SPMIP6: variants seen among roughly 807,000 people sequenced by gnomAD.
SPMIP6 encodes the protein ciliated bronchial epithelial protein 1.
chr9:34,384,340 C>T, the SPMIP6 span, among the ~76,000 whole-genome samples: 2 of 152,150 alleles, frequency 1.3e-5, no homozygotes, highest in African/African-American at 2.4e-5. Flanking sequence ...CAGGATAACA[C>T]CCTGAGGAAC....
the SPMIP6 span, among the ~76,000 whole-genome samples, chr9:34,380,046 T>C: frequency 6.6e-6 from 1 of 152,146 alleles, no homozygotes; most frequent in African/African-American, 2.4e-5. Context: ...TCTCCAGCAG[T>C]AGGACGAGGC....
the SPMIP6 span, chr9:34,379,590 G>T: frequency 2.0e-6 from 3 of 1,488,826 alleles, no homozygotes; most frequent in Non-Finnish European, 1.9e-6. The surrounding 1 kb of genome is among the most constrained non-coding windows in gnomAD (Gnocchi z 4.2). Context: ...CCCCAGCCCC[G>T]CCTCACCAAG....
chr9:34,381,533 C>A, the SPMIP6 span: 20 of 1,578,684 alleles, frequency 1.3e-5, no homozygotes, highest in Middle Eastern at 1.7e-4. The surrounding 1 kb of genome is among the most constrained non-coding windows in gnomAD (Gnocchi z 4.4). Flanking sequence ...GACCTATCGC[C>A]ACGCCGCAAC....
At chr9:34,388,383 A>G in the SPMIP6 span, among the ~76,000 whole-genome samples, 3 of 150,092 alleles carry the variant, frequency 2.0e-5, no homozygotes, top group Non-Finnish European at 4.4e-5. Context: ...AACTCCTGAC[A>G]TCAGGTGGTC....
the SPMIP6 span, among the ~76,000 whole-genome samples, chr9:34,390,488 T>A: frequency 6.6e-6 from 1 of 152,208 alleles, no homozygotes; most frequent in African/African-American, 2.4e-5. Context: ...ATCTTCTGTT[T>A]TTTTTCTTGA....
At chr9:34,385,908 T>G in the SPMIP6 span, 1 of 823,326 alleles carries the variant, frequency 1.2e-6, no homozygotes, top group South Asian at 1.8e-5. Flanking sequence ...CCCCTCCCCA[T>G]GTCAGAGGGA....
the SPMIP6 span, chr9:34,379,506 C>A: frequency 1.3e-6 from 1 of 790,878 alleles, no homozygotes. This position sits in a 1 kb window ranked among gnomAD's most constrained non-coding sequence, Gnocchi z 4.2. Context: ...TGCTCCATGC[C>A]ACTAGCTCCC....
chr9:34,380,439 G>A, the SPMIP6 span, among the ~76,000 whole-genome samples: 13 of 152,308 alleles, frequency 8.5e-5, no homozygotes, highest in Admixed American at 8.5e-4. Flanking sequence ...ACCCACTACC[G>A]ACGGTGACGG....
the SPMIP6 span, among the ~76,000 whole-genome samples, chr9:34,392,743 C>T: frequency 1.3e-5 from 2 of 152,122 alleles, no homozygotes; most frequent in Non-Finnish European, 2.9e-5. This position sits in a 1 kb window ranked among gnomAD's most constrained non-coding sequence, Gnocchi z 4.6. Flanking sequence ...CAAGGACAAA[C>T]TGGAACTCAT....
the SPMIP6 span, chr9:34,381,068 G>A: frequency 5.0e-6 from 8 of 1,611,632 alleles, no homozygotes; most frequent in Non-Finnish European, 6.8e-6. This position sits in a 1 kb window ranked among gnomAD's most constrained non-coding sequence, Gnocchi z 4.4. Context: ...GCATCGGGGC[G>A]TGATCCGCGG....
chr9:34,379,530 G>A, the SPMIP6 span: 1 of 907,638 alleles, frequency 1.1e-6, no homozygotes, highest in African/African-American at 1.6e-5. This position sits in a 1 kb window ranked among gnomAD's most constrained non-coding sequence, Gnocchi z 4.2. Context: ...CGTGGTATGT[G>A]CCTGTCAGTG....
At chr9:34,381,175 C>T in the SPMIP6 span, 22 of 1,556,302 alleles carry the variant, frequency 1.4e-5, no homozygotes, top group Non-Finnish European at 1.7e-5. This position sits in a 1 kb window ranked among gnomAD's most constrained non-coding sequence, Gnocchi z 4.4. Context: ...AAGACAGATG[C>T]ACAGGGATGG....
the SPMIP6 span, chr9:34,380,977 G>A: frequency 1.2e-6 from 2 of 1,608,568 alleles, no homozygotes; most frequent in East Asian, 2.2e-5. Context: ...AGTCCATCCC[G>A]CGCAGACAGT....
At chr9:34,388,468 G>A in the SPMIP6 span, among the ~76,000 whole-genome samples, 4 of 152,076 alleles carry the variant, frequency 2.6e-5, no homozygotes, top group Admixed American at 2.6e-4. Flanking sequence ...CTTCTTAACA[G>A]CTTTCAAATA....
chr9:34,385,720 C>T, the SPMIP6 span: 15 of 1,613,668 alleles, frequency 9.3e-6, no homozygotes, highest in East Asian at 3.1e-4. Context: ...CTGTACAGCA[C>T]ATTTGGCCAT....
At chr9:34,391,605 T>C in the SPMIP6 span, among the ~76,000 whole-genome samples, 1 of 152,346 alleles carries the variant, frequency 6.6e-6, no homozygotes, top group South Asian at 2.1e-4. Flanking sequence ...TCCATTTGTT[T>C]TGATTTCTTA....
chr9:34,397,628 G>C, the SPMIP6 span: 1 of 1,602,812 alleles, frequency 6.2e-7, no homozygotes, highest in Non-Finnish European at 8.5e-7. Context: ...GGGAGAACAG[G>C]AACATGGTGT....
At chr9:34,380,974 C>T in the SPMIP6 span, 4 of 1,608,266 alleles carry the variant, frequency 2.5e-6, no homozygotes, top group South Asian at 1.1e-5. Flanking sequence ...AGTAGTCCAT[C>T]CCGCGCAGAC....
At chr9:34,388,926 CTCTT>C in the SPMIP6 span, among the ~76,000 whole-genome samples, 22 of 107,298 alleles carry the variant, frequency 2.1e-4, no homozygotes, top group African/African-American at 6.6e-4. Flanking sequence ...TCTTTCCTCT[CTCTT>C]TCTTTTTTTT....
Sources: allele counts gnomAD v4.1 joint callset (sites outside exome capture counted in the v4.1 genomes callset), GRCh38; gene constraint gnomAD v4.1.1; non-coding constraint Gnocchi (gnomAD v3.1); transcripts MANE v1.5; gene names NCBI Gene and HGNC (gene_info 2026-07-23, HGNC 2026-07-21).